Variants in GUCY1A2 observed in about 807,000 individuals in gnomAD.
GUCY1A2 encodes the protein guanylate cyclase 1 soluble subunit alpha 2.
GUCY1A2 carries 27 observed loss-of-function variants against 63.5 expected under a neutral mutation model. That is an observed-to-expected ratio of 0.43 (90% CI 0.31 to 0.59). The LOEUF (loss-of-function observed/expected upper bound fraction) is 0.59, where lower values mean the gene tolerates loss of function less well. Among genes scored for constraint, GUCY1A2 ranks in the 20% least tolerant of loss-of-function variants. The pLI is 0.11. For missense variants in GUCY1A2, 768 were observed against 913.3 expected (o/e 0.84, Z 2.05); for synonymous variants, 364 against 343.5 (o/e 1.06, Z -0.66).
At chr11:106,750,952 A>C (rs371158525) in intron 6 of GUCY1A2, among the ~76,000 whole-genome samples, 7 of 152,222 alleles carry the variant, frequency 4.6e-5, no homozygotes, top group African/African-American at 1.7e-4. Flanking sequence ...ATAACTTTTA[A>C]GGATGAATTT....
At chr11:106,967,776 CAGGAAGGG>C (rs1861145148) in intron 3 of GUCY1A2, among the ~76,000 whole-genome samples, 1 of 90,542 alleles carries the variant, frequency 1.1e-5, no homozygotes, top group Admixed American at 1.7e-4. Context: ...GGGAGGGAAG[CAGGAAGGG>C]AGGGAGGGAG....
At chr11:106,912,209 T>C (rs1860304896) in intron 4 of GUCY1A2, among the ~76,000 whole-genome samples, 1 of 152,094 alleles carries the variant, frequency 6.6e-6, no homozygotes, top group South Asian at 2.1e-4. Context: ...CCATCTTTTT[T>C]TTTAACCAGT....
Position 106,683,672 on chromosome 11 carries a change from G to A in GUCY1A2, c.*3877C>T. 4.4e-6 allele frequency: 1 copy of A among 226,220 alleles called. No individual in the cohort carries two copies. The highest frequency in any genetic ancestry group is 8.8e-6 in the Non-Finnish European group (1 of 113,562). The allele number at this position is 226,220 out of a possible 1,614,324, so 14.0% of individuals were successfully genotyped here. ...AGATGGTTTCTAGTGACAGAATGGA[G>A]TAAGAAAGGGTCCAGAATGGACTGA... On this transcript the variant is annotated 3_prime_UTR_variant, in exon 8 of 8. Coordinates refer to ENST00000526355, the MANE Select transcript of GUCY1A2 (RefSeq NM_000855.3).
chr11:106,879,547 T>C (rs1336713487), intron 4 of GUCY1A2, among the ~76,000 whole-genome samples: 1 of 152,104 alleles, frequency 6.6e-6, no homozygotes, highest in Non-Finnish European at 1.5e-5. Context: ...CCTTCCTTTG[T>C]ACTTACCTCA....
intron 6 of GUCY1A2, among the ~76,000 whole-genome samples, chr11:106,766,964 T>TA (rs1425255475): frequency 2.0e-5 from 3 of 152,052 alleles, no homozygotes; most frequent in Admixed American, 6.6e-5. Flanking sequence ...ATTCTTTACA[T>TA]AAACGTCAGA....
intron 4 of GUCY1A2, among the ~76,000 whole-genome samples, chr11:106,910,537 G>A (rs956876189): frequency 4.6e-5 from 7 of 151,956 alleles, no homozygotes; most frequent in African/African-American, 9.7e-5. Flanking sequence ...ATGGCTCCAC[G>A]ACAATGTACA....
intron 1 of GUCY1A2, among the ~76,000 whole-genome samples, chr11:106,996,262 G>A (rs145062193): frequency 4.6e-5 from 7 of 152,166 alleles, no homozygotes; most frequent in African/African-American, 1.7e-4. Context: ...GAAGGGGAGG[G>A]GAATTGTTTA....
intron 6 of GUCY1A2, among the ~76,000 whole-genome samples, chr11:106,742,426 G>T (rs566737914): frequency 1.5e-4 from 23 of 152,270 alleles, no homozygotes; most frequent in African/African-American, 5.5e-4. Flanking sequence ...ACTTACGAGT[G>T]AGAATATGTG....
chr11:106,899,823 G>A (rs371571618), intron 4 of GUCY1A2, among the ~76,000 whole-genome samples: 6 of 152,136 alleles, frequency 3.9e-5, no homozygotes, highest in African/African-American at 7.2e-5. Context: ...GGTGGCTCAC[G>A]CCTGTAATCC....
chr11:106,959,535 G>T, intron 3 of GUCY1A2, among the ~76,000 whole-genome samples: 1 of 152,182 alleles, frequency 6.6e-6, no homozygotes, highest in East Asian at 1.9e-4. Context: ...GTAGCTGTCA[G>T]CTCTCAACTG....
In GUCY1A2 at chr11:107,002,594, C is replaced by T. The variant is rs548746898; in HGVS notation, c.303+15159G>A. ...ATAGGAGAAAACCCGAAGTCTAAAG[C>T]TATTGATAAGACAATCCAAAAGTTA... is the stretch of plus-strand genomic sequence containing the variant. On this transcript the variant is annotated intron_variant, in intron 1 of 7. Coordinates refer to ENST00000526355, the MANE Select transcript of GUCY1A2 (RefSeq NM_000855.3). Among the ~76,000 whole-genome samples the T allele has an allele frequency of 2.0e-5, 3 of 152,200 alleles. No homozygotes were observed. In the East Asian group the frequency reaches 5.8e-4, roughly 29 times the overall value.
At chr11:106,795,112 T>C (rs1864730884) in intron 5 of GUCY1A2, among the ~76,000 whole-genome samples, 1 of 152,200 alleles carries the variant, frequency 6.6e-6, no homozygotes, top group Admixed American at 6.5e-5. Context: ...CTGCTCCCAT[T>C]TTATAGATGC....
At chr11:106,696,670 C>T (rs563317357) in intron 7 of GUCY1A2, among the ~76,000 whole-genome samples, 1 of 152,080 alleles carries the variant, frequency 6.6e-6, no homozygotes, top group South Asian at 2.1e-4. Flanking sequence ...CCCAAGAAGG[C>T]AAATCAACCT....
intron 4 of GUCY1A2, among the ~76,000 whole-genome samples, chr11:106,897,503 T>C (rs1402694821): frequency 5.3e-5 from 8 of 151,714 alleles, no homozygotes; most frequent in Non-Finnish European, 7.4e-5. Flanking sequence ...AATAGACAAA[T>C]TGATCAATAG....
intron 7 of GUCY1A2, among the ~76,000 whole-genome samples, chr11:106,707,223 A>G (rs898212098): frequency 6.6e-6 from 1 of 151,962 alleles, no homozygotes; most frequent in African/African-American, 2.4e-5. Context: ...TTTCTCATCT[A>G]TTTTGCAGAA....
intron 4 of GUCY1A2, among the ~76,000 whole-genome samples, chr11:106,820,331 C>A (rs1480270514): frequency 6.6e-6 from 1 of 152,134 alleles, no homozygotes; most frequent in Non-Finnish European, 1.5e-5. Context: ...ATTGTCACAG[C>A]CATGCAACCT....
At chr11:106,731,724 T>C (rs531740535) in intron 6 of GUCY1A2, among the ~76,000 whole-genome samples, 1 of 152,160 alleles carries the variant, frequency 6.6e-6, no homozygotes, top group Admixed American at 6.6e-5. Flanking sequence ...AAATCAATAG[T>C]ATTCCTATAC....
intron 3 of GUCY1A2, among the ~76,000 whole-genome samples, chr11:106,941,745 T>C (rs1412972460): frequency 6.6e-6 from 1 of 152,230 alleles, no homozygotes; most frequent in African/African-American, 2.4e-5. Flanking sequence ...ACATCTAATA[T>C]TCTTTAAGAG....
intron 6 of GUCY1A2, among the ~76,000 whole-genome samples, chr11:106,712,260 A>G (rs528486558): frequency 6.6e-6 from 1 of 152,166 alleles, no homozygotes; most frequent in African/African-American, 2.4e-5. Context: ...CAAATTTATA[A>G]TATTTTCTTT....
Sources: allele counts gnomAD v4.1 joint callset (sites outside exome capture counted in the v4.1 genomes callset), GRCh38; gene constraint gnomAD v4.1.1; transcripts MANE v1.5; gene names NCBI Gene and HGNC (gene_info 2026-07-23, HGNC 2026-07-21).